Variants in LDAH observed in about 807,000 individuals in gnomAD.
LDAH encodes lipid droplet-associated hydrolase.
A neutral mutation model predicts 29.6 loss-of-function variants in LDAH; 26 were observed. The ratio of observed to expected loss-of-function variants is 0.88; its 90% CI spans 0.64 to 1.22. The LOEUF is 1.22. LDAH is among the 50% of genes most tolerant of loss of function. LDAH has a pLI of 0.00. For synonymous variants in LDAH, 117 were observed against 133.0 expected, an observed-to-expected ratio of 0.88 and a Z score of 0.83; for missense variants, 344 against 387.3, an observed-to-expected ratio of 0.89 and a Z score of 0.94.
chr2:20,733,397 AT>A (rs34191708), intron 5 of LDAH, among the ~76,000 whole-genome samples: 1,798 of 111,896 alleles, frequency 0.016, 23 homozygotes, highest in African/African-American at 0.055. Context: ...ATGCCTGGCT[AT>A]TTTTTTTTTT....
chr2:20,750,935 C>A (rs903601806), intron 4 of LDAH, among the ~76,000 whole-genome samples: 2 of 152,176 alleles, frequency 1.3e-5, no homozygotes, highest in East Asian at 3.9e-4. Context: ...CATGTTCTCA[C>A]CTGCAAAAGG....
chr2:20,756,772 A>G (rs1266630203), intron 4 of LDAH, among the ~76,000 whole-genome samples: 1 of 152,112 alleles, frequency 6.6e-6, no homozygotes, highest in Non-Finnish European at 1.5e-5. Flanking sequence ...ACAAGTAGAG[A>G]AAAAAATACA....
At chr2:20,715,426 A>G (rs1381733938) in intron 5 of LDAH, among the ~76,000 whole-genome samples, 1 of 152,204 alleles carries the variant, frequency 6.6e-6, no homozygotes, top group Non-Finnish European at 1.5e-5. Context: ...CCAGTATCAC[A>G]CTGAATGGGC....
chr2:20,685,405 G>C lies in LDAH; in HGVS notation c.*1498C>G. ...CAATAAAGGATCTGTGTACAGCCCT[G>C]TGCTTACGGCCTATGTATCTATTAG... On this transcript the variant is annotated 3_prime_UTR_variant, in exon 7 of 7. Coordinates refer to ENST00000237822, the MANE Select transcript of LDAH (RefSeq NM_021925.4). 2 of 1,057,544 alleles carry C rather than the reference G, an allele frequency of 1.9e-6. No homozygotes were observed. The highest frequency in any genetic ancestry group is 2.7e-6 in the Non-Finnish European group (2 of 751,190). 65.5% of individuals were successfully genotyped at this position (1,057,544 alleles called of 1,614,324 possible). A position where few individuals can be genotyped will look rare whatever the true frequency, so the allele number is the denominator to read the frequency against.
intron 4 of LDAH, among the ~76,000 whole-genome samples, chr2:20,757,693 T>C (rs1361008833): frequency 6.6e-6 from 1 of 152,200 alleles, no homozygotes; most frequent in Admixed American, 6.5e-5. Context: ...CCCTCCCTAA[T>C]GTGAGTGAGC....
chr2:20,742,282 T>G (rs1016352637), intron 4 of LDAH, among the ~76,000 whole-genome samples: 5 of 152,336 alleles, frequency 3.3e-5, no homozygotes, highest in East Asian at 3.9e-4. Context: ...TCTTGTTGGA[T>G]GAAGTAGTCT....
intron 4 of LDAH, among the ~76,000 whole-genome samples, chr2:20,743,880 T>C (rs1038835677): frequency 2.0e-5 from 3 of 151,658 alleles, no homozygotes; most frequent in African/African-American, 4.8e-5. Context: ...GCAGTCCTTA[T>C]TCTTTTTTTT....
At chr2:20,779,918 G>A (rs999140083) in intron 3 of LDAH, among the ~76,000 whole-genome samples, 1 of 152,142 alleles carries the variant, frequency 6.6e-6, no homozygotes, top group African/African-American at 2.4e-5. Flanking sequence ...AGATGTTGTG[G>A]GTTGATACTG....
intron 2 of LDAH, among the ~76,000 whole-genome samples, chr2:20,796,500 T>C (rs1029194749): frequency 6.6e-6 from 1 of 152,212 alleles, no homozygotes; most frequent in Non-Finnish European, 1.5e-5. Context: ...ACAGTTTCAC[T>C]TGTCATGTCA....
intron 3 of LDAH, among the ~76,000 whole-genome samples, chr2:20,776,292 C>G (rs1669824338): frequency 6.6e-6 from 1 of 152,094 alleles, no homozygotes; most frequent in African/African-American, 2.4e-5. Flanking sequence ...ATCCTACAAA[C>G]TTGAAACAAG....
At chr2:20,765,226 C>T (rs367674524) in intron 4 of LDAH, among the ~76,000 whole-genome samples, 5 of 152,184 alleles carry the variant, frequency 3.3e-5, no homozygotes, top group African/African-American at 1.2e-4. Flanking sequence ...TACGCTTGGG[C>T]TGTTCCTCTC....
chr2:20,753,084 T>C (rs1668079535), intron 4 of LDAH, among the ~76,000 whole-genome samples: 1 of 152,222 alleles, frequency 6.6e-6, no homozygotes. Flanking sequence ...TAAACTCTAG[T>C]TTCACTGTAC....
At chr2:20,743,623 A>G (rs1034870832) in intron 4 of LDAH, among the ~76,000 whole-genome samples, 2 of 152,166 alleles carry the variant, frequency 1.3e-5, no homozygotes, top group African/African-American at 4.8e-5. Context: ...TCAATTAAGA[A>G]TAAGAAAAAT....
chr2:20,788,648 G>A (rs1183689944), intron 3 of LDAH, among the ~76,000 whole-genome samples: 2 of 152,122 alleles, frequency 1.3e-5, no homozygotes, highest in East Asian at 1.9e-4. Context: ...CTAGAGAGAC[G>A]TACAAGAACC....
chr2:20,690,200 C>G (rs1558377299), intron 6 of LDAH, among the ~76,000 whole-genome samples: 1 of 151,990 alleles, frequency 6.6e-6, no homozygotes, highest in Non-Finnish European at 1.5e-5. Flanking sequence ...ATTAAGGGAC[C>G]CGACACCCAC....
chr2:20,712,905 A>G (rs983610375), intron 5 of LDAH, among the ~76,000 whole-genome samples: 10 of 152,376 alleles, frequency 6.6e-5, no homozygotes, highest in East Asian at 1.9e-4. Flanking sequence ...GACCAAATCT[A>G]TGTTTGATTA....
At chr2:20,757,066 A>G (rs987450279) in intron 4 of LDAH, among the ~76,000 whole-genome samples, 2 of 152,226 alleles carry the variant, frequency 1.3e-5, no homozygotes, top group Non-Finnish European at 2.9e-5. Flanking sequence ...AACAATTAGA[A>G]AAGTTGGGAA....
intron 4 of LDAH, among the ~76,000 whole-genome samples, chr2:20,755,144 TGTG>T (rs1320339571): frequency 6.6e-6 from 1 of 151,708 alleles, no homozygotes; most frequent in Non-Finnish European, 1.5e-5. Context: ...TGTGTGTGTG[TGTG>T]TGTGTGTGTG....
intron 4 of LDAH, among the ~76,000 whole-genome samples, chr2:20,749,446 A>G (rs1667805000): frequency 6.6e-6 from 1 of 152,204 alleles, no homozygotes; most frequent in Non-Finnish European, 1.5e-5. Flanking sequence ...GCCATTTTAT[A>G]CCAGTACTAA....
Sources: gnomAD v4.1 joint callset for allele counts (sites outside exome capture counted in the v4.1 genomes callset) on GRCh38, gnomAD v4.1.1 for gene constraint, MANE v1.5 for transcripts, NCBI Gene and HGNC (gene_info 2026-07-23, HGNC 2026-07-21) for gene names.